MICAL3: variants seen among roughly 807,000 people sequenced by gnomAD.
MICAL3 encodes the protein microtubule associated monooxygenase, calponin and LIM domain containing 3.
In MICAL3, 62 loss-of-function variants were observed where a neutral mutation model predicts 207.4. That is an observed-to-expected ratio of 0.30 (90% confidence interval 0.24 to 0.37). MICAL3 has a LOEUF of 0.37. Ranked by LOEUF, MICAL3 falls within the 10% of genes least tolerant of loss-of-function variation. MICAL3 has a pLI of 1.00. For missense variants in MICAL3, 2,368 were observed against 2,635.6 expected, an observed-to-expected ratio of 0.90 and a Z score of 2.22; for synonymous variants, 1,077 against 1,069.3, an observed-to-expected ratio of 1.01 and a Z score of -0.14.
chr22:17,863,107 A>C (rs1926692041), intron 19 of MICAL3: 1 of 985,376 alleles, frequency 1.0e-6, no homozygotes. Flanking sequence ...AATTCTTTAG[A>C]ACTCCTAAAA....
chr22:17,931,841 A>T (rs1933280041), intron 1 of MICAL3, among the ~76,000 whole-genome samples: 1 of 152,244 alleles, frequency 6.6e-6, no homozygotes, highest in Admixed American at 6.5e-5. Flanking sequence ...GCTGTGTGTC[A>T]GGCAGAGACC....
At position 17,919,499 on chromosome 22, in the gene MICAL3, A is replaced by G. The variant is rs563019719; in HGVS notation, c.-74-12613T>C. On this transcript the variant is annotated intron_variant, in intron 1 of 31. Transcript: ENST00000441493. ...CAACAGGTGGTGCACAGTGAGGACC[A>G]CTTGATGAACAAACGGCTGTGTATA... is the stretch of plus-strand genomic sequence containing the variant. Among the ~76,000 whole-genome samples, 11 of 152,352 alleles carry G rather than the reference A, an allele frequency of 7.2e-5. No individual in the cohort carries two copies. The East Asian group carries it at 1.9e-3, about 27-fold the overall frequency.
intron 1 of MICAL3, among the ~76,000 whole-genome samples, chr22:17,915,403 C>T (rs188331076): frequency 2.0e-5 from 3 of 152,290 alleles, no homozygotes; most frequent in Non-Finnish European, 4.4e-5. Flanking sequence ...TCAGAGAATG[C>T]CAAGCCTCCA....
At chr22:17,849,300 C>T (rs1924981080) in intron 19 of MICAL3, among the ~76,000 whole-genome samples, 1 of 152,134 alleles carries the variant, frequency 6.6e-6, no homozygotes, top group Non-Finnish European at 1.5e-5. Context: ...CTAAGGATAA[C>T]CCTAGTCTCT....
intron 10 of MICAL3, among the ~76,000 whole-genome samples, chr22:17,894,453 G>A (rs150545049): frequency 4.4e-4 from 66 of 151,160 alleles, no homozygotes; most frequent in African/African-American, 1.4e-3. Context: ...CGGTCATGGA[G>A]GTCCCTCTAA....
At chr22:17,897,131 G>A (rs999730394) in intron 7 of MICAL3, 150 bp from the exon 8 acceptor site, 7 of 805,302 alleles carry the variant, frequency 8.7e-6, no homozygotes, top group Non-Finnish European at 1.4e-5. Flanking sequence ...AAATGGGCGG[G>A]GGGAAAGGCA....
chr22:17,860,117 TG>T, intron 19 of MICAL3: 1 of 910,138 alleles, frequency 1.1e-6, no homozygotes, highest in Non-Finnish European at 1.3e-6. Context: ...TCCCACCCTC[TG>T]GTCAAGAGAA....
At chr22:17,812,869 G>C (rs1296680981) in intron 27 of MICAL3, 1 of 152,110 alleles carries the variant, frequency 6.6e-6, no homozygotes, top group African/African-American at 2.4e-5. Flanking sequence ...ACTGTCCCTT[G>C]TGTAAAGTTA....
chr22:17,916,082 CCAAAAAGCAA>C (rs1200436452), intron 1 of MICAL3, among the ~76,000 whole-genome samples: 168 of 143,710 alleles, frequency 1.2e-3, no homozygotes, highest in Middle Eastern at 3.6e-3. Context: ...AAAAAAAAAC[CCAAAAAGCAA>C]CAAAAAACAA....
At position 17,818,266 on chromosome 22, in the gene MICAL3, C is replaced by T. The variant is rs749904225; in HGVS notation, c.4395G>A (p.Pro1465=). ...PPSSPPPPPP[P]GEEPATLRRK... ...TCCGCAAGGTGGCGGGCTCCTCGCC[C>T]GGGGGTGGCGGTGGGGGCGGGCTGG... Residue 1465 remains proline, a synonymous_variant, in exon 26 of 32, where the codon CCG becomes CCA. Coordinates refer to ENST00000441493, the MANE Select transcript of MICAL3 (RefSeq NM_015241.3). The T allele has an allele frequency of 5.0e-4, 145 of 288,754 alleles. No homozygotes were observed. In the East Asian group the frequency reaches 0.013, roughly 25 times the overall value. 17.9% of individuals were successfully genotyped at this position (288,754 alleles called of 1,614,324 possible).
chr22:17,821,339 C>T (rs1318147425), intron 25 of MICAL3, 88 bp downstream of exon 25: 1 of 1,214,616 alleles, frequency 8.2e-7, no homozygotes, highest in African/African-American at 1.6e-5. Flanking sequence ...GTGGGACCCA[C>T]ACCATGGGCC....
intron 1 of MICAL3, among the ~76,000 whole-genome samples, chr22:18,016,552 T>A (rs1451586286): frequency 6.6e-6 from 1 of 152,196 alleles, no homozygotes; most frequent in African/African-American, 2.4e-5. Flanking sequence ...TCTTCTATTT[T>A]CTTTCCCTGT....
intron 20 of MICAL3, among the ~76,000 whole-genome samples, chr22:17,837,381 G>A (rs1049740840): frequency 3.9e-5 from 6 of 152,270 alleles, no homozygotes; most frequent in Non-Finnish European, 8.8e-5. Flanking sequence ...CTGTGACCTC[G>A]CCTGTGCCAT....
rs551869525 is a variant in MICAL3, at chr22:17,818,404, G to A, written c.4257C>T (p.Arg1419=). 7 of 1,611,464 alleles carry A rather than the reference G, an allele frequency of 4.3e-6. No individual in the cohort carries two copies. In the African/African-American group the frequency reaches 5.3e-5, roughly 12 times the overall value. The change falls in exon 26 of 32, where the codon CGC becomes CGT. Residue 1419 remains arginine, a synonymous_variant. Coordinates refer to ENST00000441493, the MANE Select transcript of MICAL3 (RefSeq NM_015241.3). ...GGCCAGAGCTGCTGGACAGCTCCCT[G>A]CGCTCCTCCTGGGCGCTGCGTAGCT... is the stretch of plus-strand genomic sequence containing the variant. ...DRELRSAQEE[R]RELSSSSGLG... is the part of the protein sequence containing the mutation.
At chr22:17,978,434 G>A (rs965898510) in intron 1 of MICAL3, among the ~76,000 whole-genome samples, 2 of 152,126 alleles carry the variant, frequency 1.3e-5, no homozygotes, top group African/African-American at 4.8e-5. Context: ...GCTTCTTTTG[G>A]GGATGATAAA....
chr22:17,796,014 T>C lies in MICAL3; in HGVS notation c.5651-4713A>G, dbSNP rs2061872728. On this transcript the variant is annotated intron_variant, in intron 29 of 31. Transcript: ENST00000441493. This position sits in a 1 kb window ranked among gnomAD's most constrained non-coding sequence, Gnocchi z 4.4. ...CTGTCAAGCTTCTGGCAAATGGAAGTTTTTTGGTTTTTCTCAACATCAGGG... is the reference window on the plus strand; with the variant it reads ...CTGTCAAGCTTCTGGCAAATGGAAGCTTTTTGGTTTTTCTCAACATCAGGG... Among the ~76,000 whole-genome samples the C allele has an allele frequency of 1.3e-5, 2 of 152,220 alleles. No individual in the cohort carries two copies. The highest frequency in any genetic ancestry group is 4.8e-5 in the African/African-American group (2 of 41,528).
chr22:17,864,750 G>C (rs1926891546), intron 19 of MICAL3, 149 bp downstream of exon 19: 3 of 1,613,756 alleles, frequency 1.9e-6, no homozygotes, highest in African/African-American at 2.7e-5. Flanking sequence ...CAAGCAGCTG[G>C]CACATGAAAA....
chr22:17,875,290 C>G (rs1215581392), intron 16 of MICAL3: 1 of 453,558 alleles, frequency 2.2e-6, no homozygotes, highest in Non-Finnish European at 3.9e-6. Flanking sequence ...ACACACGAGA[C>G]CGACACAGGC....
intron 20 of MICAL3, among the ~76,000 whole-genome samples, chr22:17,835,269 C>G (rs1425189847): frequency 5.3e-5 from 8 of 151,052 alleles, no homozygotes; most frequent in Admixed American, 4.7e-4. Context: ...GCACAGAAGA[C>G]AGCAGAAAGC....
Sources: allele counts gnomAD v4.1 joint callset (sites outside exome capture counted in the v4.1 genomes callset), GRCh38; gene constraint gnomAD v4.1.1; non-coding constraint Gnocchi (gnomAD v3.1); transcripts MANE v1.5; gene names NCBI Gene and HGNC (gene_info 2026-07-23, HGNC 2026-07-21).